Variants in CDH13 observed in about 807,000 individuals in gnomAD.
CDH13 encodes cadherin 13.
In CDH13, 24 loss-of-function variants were observed where a neutral mutation model predicts 63.8. The observed-to-expected ratio is 0.38, with a 90% confidence interval of 0.27 to 0.53. The LOEUF (loss-of-function observed/expected upper bound fraction) is 0.53. Ranked by LOEUF, CDH13 falls within the 20% of genes least tolerant of loss-of-function variation. The pLI, the probability that CDH13 is intolerant of heterozygous loss-of-function variation, is 0.85. For synonymous variants in CDH13, 503 were observed against 355.3 expected, an observed-to-expected ratio of 1.42 and a Z score of -4.67; for missense variants, 1,049 against 903.1, an observed-to-expected ratio of 1.16 and a Z score of -2.07.
At chr16:83,742,249 T>G (rs1396925701) in intron 10 of CDH13, among the ~76,000 whole-genome samples, 1 of 152,076 alleles carries the variant, frequency 6.6e-6, no homozygotes, top group Non-Finnish European at 1.5e-5. Flanking sequence ...GAGCCCGCCT[T>G]CCAGGGTGGC....
At chr16:83,156,464 T>C (rs1285371558) in intron 4 of CDH13, among the ~76,000 whole-genome samples, 1 of 152,214 alleles carries the variant, frequency 6.6e-6, no homozygotes, top group Non-Finnish European at 1.5e-5. Flanking sequence ...ACATGTACTC[T>C]TAAGGTACAA....
chr16:82,684,164 C>T (rs1271166145), intron 1 of CDH13, among the ~76,000 whole-genome samples: 1 of 152,158 alleles, frequency 6.6e-6, no homozygotes, highest in Non-Finnish European at 1.5e-5. Flanking sequence ...GGGGAAAGGG[C>T]CCAGGTTTTG....
chr16:83,033,367 A>G lies in CDH13; in HGVS notation c.366+1149A>G, dbSNP rs139011705. Among the ~76,000 whole-genome samples, 250 of 152,260 alleles carry G rather than the reference A, an allele frequency of 1.6e-3. 1 individual carries two copies. Among genetic ancestry groups the G allele is most frequent in the African/African-American group, 5.7e-3 (238 of 41,540 alleles). ...CATTTGCATTTAACAGGTCATAGGTATCTCAGAGATAAGCTGCCCAACCTA... is the reference window on the plus strand; with the variant it reads ...CATTTGCATTTAACAGGTCATAGGTGTCTCAGAGATAAGCTGCCCAACCTA... On this transcript the variant is annotated intron_variant, in intron 3 of 13. Coordinates refer to ENST00000567109, the MANE Select transcript of CDH13 (RefSeq NM_001257.5).
chr16:83,101,310 G>A (rs1173274325), intron 3 of CDH13, among the ~76,000 whole-genome samples: 2 of 149,664 alleles, frequency 1.3e-5, no homozygotes, highest in Admixed American at 6.7e-5. Context: ...TATATATAGT[G>A]TATTGTATAC....
At chr16:83,222,797 A>G (rs913325086) in intron 5 of CDH13, among the ~76,000 whole-genome samples, 2 of 152,138 alleles carry the variant, frequency 1.3e-5, no homozygotes, top group Non-Finnish European at 2.9e-5. Context: ...GTGCCAAGTA[A>G]CCTAGCTGAC....
intron 2 of CDH13, among the ~76,000 whole-genome samples, chr16:82,983,543 A>G (rs1364382882): frequency 6.6e-6 from 1 of 152,166 alleles, no homozygotes; most frequent in Non-Finnish European, 1.5e-5. Context: ...AGACGATGCA[A>G]ACTCCTTGGC....
At chr16:83,596,258 G>T (rs1013981407) in intron 7 of CDH13, among the ~76,000 whole-genome samples, 2 of 152,224 alleles carry the variant, frequency 1.3e-5, no homozygotes, top group African/African-American at 2.4e-5. Flanking sequence ...CTCATGGGCA[G>T]AGAGAAGCAC....
At chr16:83,109,323 C>T (rs995543002) in intron 3 of CDH13, among the ~76,000 whole-genome samples, 3 of 152,030 alleles carry the variant, frequency 2.0e-5, no homozygotes, top group Non-Finnish European at 2.9e-5. Context: ...GCCTTTCATA[C>T]GATGTGAGTG....
chr16:83,251,517 A>G (rs1035487228), intron 5 of CDH13, among the ~76,000 whole-genome samples: 2 of 152,168 alleles, frequency 1.3e-5, no homozygotes, highest in Non-Finnish European at 2.9e-5. Flanking sequence ...CCTCAGCCCT[A>G]TGGGACACAT....
rs1357780501 is a variant in CDH13 at position 83,003,408 on chromosome 16, A to AATTTTTTAAT, written c.158-28602_158-28601insATTTTTTAAT. On this transcript the variant is annotated intron_variant, in intron 2 of 13. Transcript: ENST00000567109. ...AGTGGGTTTTTTTTTTTAATTTTCT[A>AATTTTTTAAT]TCTCAAAAATCCAGGCTCATAAATA... Among the ~76,000 whole-genome samples the AATTTTTTAAT allele has an allele frequency of 7.5e-4, 113 of 151,474 alleles. 1 individual carries two copies. The East Asian group carries it at 0.022, about 29-fold the overall frequency.
At chr16:83,418,282 G>T (rs536004152) in intron 6 of CDH13, among the ~76,000 whole-genome samples, 2 of 152,284 alleles carry the variant, frequency 1.3e-5, no homozygotes, top group South Asian at 2.1e-4. Flanking sequence ...TAGCTCAGCA[G>T]CTGGCACTTG....
At chr16:83,396,043 T>G (rs1335694438) in intron 6 of CDH13, among the ~76,000 whole-genome samples, 2 of 152,160 alleles carry the variant, frequency 1.3e-5, no homozygotes, top group African/African-American at 4.8e-5. Flanking sequence ...GAACATGTGG[T>G]ATTTGGTTTT....
At chr16:83,756,664 C>G (rs1449602050) in intron 11 of CDH13, among the ~76,000 whole-genome samples, 1 of 152,132 alleles carries the variant, frequency 6.6e-6, no homozygotes, top group Non-Finnish European at 1.5e-5. Context: ...ATTGGACACC[C>G]CTGTTTAAAA....
At chr16:82,661,684 C>G (rs1391419223) in intron 1 of CDH13, among the ~76,000 whole-genome samples, 9 of 152,212 alleles carry the variant, frequency 5.9e-5, no homozygotes, top group South Asian at 2.1e-4. Flanking sequence ...TGTATGAACT[C>G]GTCTGTCTTT....
chr16:83,161,344 G>A (rs78426315), intron 4 of CDH13, among the ~76,000 whole-genome samples: 30 of 149,440 alleles, frequency 2.0e-4, no homozygotes, highest in African/African-American at 6.7e-4. Flanking sequence ...CTATATTAAA[G>A]AAATCATCAA....
At chr16:82,842,137 TAC>T (rs1204067008) in intron 1 of CDH13, among the ~76,000 whole-genome samples, 741 of 55,552 alleles carry the variant, frequency 0.013, 18 homozygotes, top group Middle Eastern at 0.034. Context: ...TATATATATA[TAC>T]ACATATATAT....
intron 5 of CDH13, among the ~76,000 whole-genome samples, chr16:83,315,851 G>A (rs1257595077): frequency 6.6e-6 from 1 of 152,078 alleles, no homozygotes; most frequent in African/African-American, 2.4e-5. Flanking sequence ...TCTACACCAG[G>A]AACTATGCTA....
intron 4 of CDH13, among the ~76,000 whole-genome samples, chr16:83,144,644 A>G (rs948374820): frequency 2.0e-5 from 3 of 152,268 alleles, no homozygotes; most frequent in Non-Finnish European, 4.4e-5. Context: ...GCAAAAAGGC[A>G]AAAAGTTATA....
chr16:83,768,471 G>A (rs1914547612), intron 11 of CDH13, among the ~76,000 whole-genome samples: 2 of 152,170 alleles, frequency 1.3e-5, no homozygotes, highest in Non-Finnish European at 2.9e-5. Flanking sequence ...TAATCATAGT[G>A]TTAATGGAAA....
Sources: allele counts gnomAD v4.1 joint callset (sites outside exome capture counted in the v4.1 genomes callset), GRCh38; gene constraint gnomAD v4.1.1; transcripts MANE v1.5; gene names NCBI Gene and HGNC (gene_info 2026-07-23, HGNC 2026-07-21).